Variants in ARGLU1 observed in about 807,000 individuals in gnomAD.
The protein encoded by ARGLU1 is arginine and glutamate rich 1.
Under a neutral mutation model 37.6 loss-of-function variants are expected in ARGLU1, and 9 were observed. The ratio of observed to expected loss-of-function variants is 0.24; its 90% CI spans 0.14 to 0.42. The LOEUF (loss-of-function observed/expected upper bound fraction) is 0.42. Ranked by LOEUF, ARGLU1 falls within the 10% of genes least tolerant of loss-of-function variation. The pLI is 1.00. For synonymous variants in ARGLU1, 166 were observed against 138.5 expected, an observed-to-expected ratio of 1.20 and a Z score of -1.39; for missense variants, 211 against 359.2, an observed-to-expected ratio of 0.59 and a Z score of 3.34.
Position 106,557,315 on chromosome 13 carries a change from C to T in ARGLU1, c.574-184G>A, listed in dbSNP as rs971844970. The stretch of plus-strand genomic sequence containing the variant: ...TTGGTTTCTAGCACTAAATTTAAAT[C>T]ATCCCTCCCAGTCCAAACAGCAACC... On this transcript the variant is annotated intron_variant, in intron 2 of 3. Transcript: ENST00000400198. This position sits in a 1 kb window ranked among gnomAD's most constrained non-coding sequence, Gnocchi z 5.0. 1 of 668,460 alleles carries T rather than the reference C, an allele frequency of 1.5e-6. No individual in the cohort carries two copies. The highest frequency in any genetic ancestry group is 1.8e-5 in the African/African-American group (1 of 54,824). 41.4% of individuals were successfully genotyped at this position (668,460 alleles called of 1,614,324 possible).
chr13:106,554,431 G>C (rs1413351630), intron 3 of ARGLU1, among the ~76,000 whole-genome samples: 1 of 152,026 alleles, frequency 6.6e-6, no homozygotes, highest in African/African-American at 2.4e-5. Flanking sequence ...AAAGATTAAA[G>C]AATAGTGCTC....
At chr13:106,558,500 C>A (rs1311325261) in intron 2 of ARGLU1, 1 of 985,254 alleles carries the variant, frequency 1.0e-6, no homozygotes, top group Non-Finnish European at 1.2e-6. Flanking sequence ...ACATCACACA[C>A]CAATGGGATT....
chr13:106,555,264 G>A (rs1216108084), intron 3 of ARGLU1, among the ~76,000 whole-genome samples: 4 of 152,148 alleles, frequency 2.6e-5, no homozygotes, highest in African/African-American at 9.7e-5. Context: ...GGCTGAGGCA[G>A]GAGAATAGCC....
rs1460038484 is a variant in ARGLU1, at chr13:106,568,126, G to A, written c.-207C>T. 1.1e-5 allele frequency: 8 copies of A among 726,254 alleles called. No homozygotes were observed. The East Asian group carries it at 1.3e-4, about 12-fold the overall frequency. 45.0% of individuals were successfully genotyped at this position (726,254 alleles called of 1,614,324 possible). A position where few individuals can be genotyped will look rare whatever the true frequency, so the allele number is the denominator to read the frequency against. Reference sequence around the variant, plus strand: ...AACCCGTAGCGCCAGGCGCCCCTAAGATGGCAGCTGCGGCTGCACCGGCCG... The same window carrying A: ...AACCCGTAGCGCCAGGCGCCCCTAAAATGGCAGCTGCGGCTGCACCGGCCG... On this transcript the variant is annotated 5_prime_UTR_variant, in exon 1 of 4. Coordinates refer to ENST00000400198, the MANE Select transcript of ARGLU1 (RefSeq NM_018011.4).
rs1346894854 is a variant in ARGLU1 at position 106,542,763 on chromosome 13, TAA to T, written c.*1231_*1232del. On this transcript the variant is annotated 3_prime_UTR_variant, in exon 4 of 4. Transcript: ENST00000400198. The stretch of plus-strand genomic sequence containing the variant: ...AATACCAGTATACTTAAACATATGT[TAA>T]GAGTAAATGAGGCAGATTCTAGTGT... 1 of 150,990 alleles carries T rather than the reference TAA, an allele frequency of 6.6e-6. No individual in the cohort carries two copies. Among genetic ancestry groups the T allele is most frequent in the Non-Finnish European group, 1.5e-5 (1 of 67,824 alleles). 9.4% of individuals were successfully genotyped at this position (150,990 alleles called of 1,614,324 possible).
chr13:106,552,265 C>T (rs1037991905), intron 3 of ARGLU1, among the ~76,000 whole-genome samples: 2 of 152,126 alleles, frequency 1.3e-5, no homozygotes, highest in African/African-American at 2.4e-5. Flanking sequence ...GAGAAGAAAA[C>T]TATTTCATTA....
intron 1 of ARGLU1, among the ~76,000 whole-genome samples, chr13:106,565,672 T>C (rs1248539958): frequency 6.6e-6 from 1 of 152,214 alleles, no homozygotes; most frequent in Non-Finnish European, 1.5e-5. Flanking sequence ...GTCTTTCCAT[T>C]GTTTCTTTTG....
rs765663261 is a variant in ARGLU1, at chr13:106,567,882, T to C, written c.38A>G (p.Lys13Arg). 3 of 1,611,630 alleles carry C rather than the reference T, an allele frequency of 1.9e-6. No homozygotes were observed. The South Asian group carries it at 3.3e-5, about 18-fold the overall frequency. The change falls in exon 1 of 4, where the codon AAG becomes AGG. Residue 13 changes from lysine to arginine, a missense_variant. Lys to Arg is a conservative substitution (Grantham distance 26). Transcript: ENST00000400198. This position sits in a 1 kb window ranked among gnomAD's most constrained non-coding sequence, Gnocchi z 4.3. ...GTTGTGCTTGCTGCTCTTGGTGTGC[T>C]TGGAGCGGGACGAGCTCCGGCTCCG... ...RSRSRSSSRS[K>R]HTKSSKHNKK...
intron 1 of ARGLU1, among the ~76,000 whole-genome samples, chr13:106,563,010 A>AC (rs1555327367): frequency 3.6e-3 from 128 of 35,712 alleles, no homozygotes; most frequent in East Asian, 0.013. Flanking sequence ...AAAAAAAAAC[A>AC]AAAAAAAAAA....
rs1354227229 is a variant in ARGLU1 at position 106,567,843 on chromosome 13, C to T, written c.77G>A (p.Arg26Gln). 6.2e-7 allele frequency: 1 copy of T among 1,613,536 alleles called. No homozygotes were observed. The highest frequency in any genetic ancestry group is 8.5e-7 in the Non-Finnish European group (1 of 1,179,878). Residue 26 changes from arginine to glutamine, a missense_variant, in exon 1 of 4, where the codon CGG becomes CAG. Physicochemically the swap from Arg to Gln is conservative, Grantham distance 43 (BLOSUM62 1). Coordinates refer to ENST00000400198, the MANE Select transcript of ARGLU1 (RefSeq NM_018011.4). The surrounding 1 kb of genome is among the most constrained non-coding windows in gnomAD (Gnocchi z 4.3). The stretch of plus-strand genomic sequence containing the variant: ...CTTGTCCCGGGATCGCGACCGGGAC[C>T]GGCTGCGCTTCTTGTTGTGCTTGCT... ...KSSKHNKKRSRSRSRSRDKER... is the reference protein window; with the variant it reads ...KSSKHNKKRSQSRSRSRDKER...
At chr13:106,563,781 AATGAACTGCCC>A (rs1880882494) in intron 1 of ARGLU1, among the ~76,000 whole-genome samples, 1 of 152,222 alleles carries the variant, frequency 6.6e-6, no homozygotes, top group Admixed American at 6.5e-5. Context: ...TTGCTCTCAC[AATGAACTGCCC>A]AAGTATTCTA....
chr13:106,550,772 C>G (rs1299736806), intron 3 of ARGLU1, among the ~76,000 whole-genome samples: 1 of 152,208 alleles, frequency 6.6e-6, no homozygotes, highest in Non-Finnish European at 1.5e-5. Context: ...CTTCTGGTGG[C>G]TGCCAAGGTT....
rs1012125139 is a variant in ARGLU1, at chr13:106,567,438, C to G, written c.347+135G>C. The G allele has an allele frequency of 1.7e-6, 1 of 593,700 alleles. No individual in the cohort carries two copies. The highest frequency in any genetic ancestry group is 2.6e-5 in the South Asian group (1 of 39,094). The allele number at this position is 593,700 out of a possible 1,614,324, so 36.8% of individuals were successfully genotyped here. On this transcript the variant is annotated intron_variant, in intron 1 of 3. Coordinates refer to ENST00000400198, the MANE Select transcript of ARGLU1 (RefSeq NM_018011.4). The surrounding 1 kb of genome is among the most constrained non-coding windows in gnomAD (Gnocchi z 4.3). ...CCGCCCCGCCGCCGCCTCTCCGACC[C>G]GTTCCCGCGCCCGGTCCCCAGCCCC...
Position 106,567,507 on chromosome 13 carries a change from G to C in ARGLU1, c.347+66C>G. 1 of 1,188,526 alleles carries C rather than the reference G, an allele frequency of 8.4e-7. No individual in the cohort carries two copies. Among genetic ancestry groups the C allele is most frequent in the Non-Finnish European group, 1.2e-6 (1 of 809,384 alleles). The allele number at this position is 1,188,526 out of a possible 1,614,324, so 73.6% of individuals were successfully genotyped here. A position where few individuals can be genotyped will look rare whatever the true frequency, so the allele number is the denominator to read the frequency against. On this transcript the variant is annotated intron_variant, in intron 1 of 3. Transcript: ENST00000400198. The surrounding 1 kb of genome is among the most constrained non-coding windows in gnomAD (Gnocchi z 4.3). ...TCCCGGCCCGCACCGTCCCGCCCCG[G>C]CCCCACGCCCTCGCCCCGCGCCCTG...
In ARGLU1 at chr13:106,549,983, T is replaced by C. The variant is rs112601027; in HGVS notation, c.658-5823A>G. Among the ~76,000 whole-genome samples, 311 of 152,340 alleles carry C rather than the reference T, an allele frequency of 2.0e-3. 1 individual carries two copies. The highest frequency in any genetic ancestry group is 7.0e-3 in the African/African-American group (289 of 41,578). On this transcript the variant is annotated intron_variant, in intron 3 of 3. Coordinates refer to ENST00000400198, the MANE Select transcript of ARGLU1 (RefSeq NM_018011.4). ...TTCTAAAATTTCACAAATAAAGGTA[T>C]TATCTAGATGTGGCTCTTTTAATCT...
chr13:106,557,134 A>G lies in ARGLU1; in HGVS notation c.574-3T>C. On this transcript the variant is annotated splice_polypyrimidine_tract_variant and splice_region_variant and intron_variant, in intron 2 of 3. Coordinates refer to ENST00000400198, the MANE Select transcript of ARGLU1 (RefSeq NM_018011.4). The surrounding 1 kb of genome is among the most constrained non-coding windows in gnomAD (Gnocchi z 5.0). ...TCACGTTTTGCACGTTCTTCCTCCT[A>G]AAGGGGAGGATATGTTAAGATATTA... is the stretch of plus-strand genomic sequence containing the variant. The G allele has an allele frequency of 6.2e-7, 1 of 1,605,398 alleles. No individual in the cohort carries two copies. Among genetic ancestry groups the G allele is most frequent in the African/African-American group, 1.3e-5 (1 of 74,890 alleles).
At chr13:106,563,574 T>C (rs111545466) in intron 1 of ARGLU1, among the ~76,000 whole-genome samples, 16 of 152,080 alleles carry the variant, frequency 1.1e-4, no homozygotes, top group African/African-American at 3.6e-4. Flanking sequence ...GAGGCTGAGG[T>C]AGAAGGATTA....
intron 3 of ARGLU1, among the ~76,000 whole-genome samples, chr13:106,549,067 T>C (rs1880468860): frequency 6.6e-6 from 1 of 152,206 alleles, no homozygotes; most frequent in African/African-American, 2.4e-5. Flanking sequence ...CTACCGTCTT[T>C]ACCCAGAGGA....
chr13:106,554,817 G>A (rs888554701), intron 3 of ARGLU1, among the ~76,000 whole-genome samples: 2 of 151,298 alleles, frequency 1.3e-5, no homozygotes, highest in East Asian at 2.0e-4. Context: ...TCTGGAAGGC[G>A]GAAGTTGCAG....
Sources: gnomAD v4.1 joint callset for allele counts (sites outside exome capture counted in the v4.1 genomes callset) on GRCh38, gnomAD v4.1.1 for gene constraint, Gnocchi (gnomAD v3.1) non-coding constraint, MANE v1.5 for transcripts, NCBI Gene and HGNC (gene_info 2026-07-23, HGNC 2026-07-21) for gene names.